The following CADM2 variants were observed in gnomAD, a reference collection of about 807,000 sequenced individuals.
The protein encoded by CADM2 is immunoglobulin superfamily member 4D.
In CADM2, 12 loss-of-function variants were observed where a neutral mutation model predicts 49.8. That is an observed-to-expected ratio of 0.24 (90% CI 0.15 to 0.39). CADM2 has a LOEUF of 0.39. Among genes scored for constraint, CADM2 ranks in the 10% least tolerant of loss-of-function variants. The pLI, the probability that CADM2 is intolerant of heterozygous loss-of-function variation, is 1.00. For synonymous variants in CADM2, 214 were observed against 175.4 expected, an observed-to-expected ratio of 1.22 and a Z score of -1.74; for missense variants, 378 against 492.3, an observed-to-expected ratio of 0.77 and a Z score of 2.20.
At chr3:85,539,473 C>T (rs181419529) in intron 1 of CADM2, among the ~76,000 whole-genome samples, 119 of 152,152 alleles carry the variant, frequency 7.8e-4, no homozygotes, top group Admixed American at 1.4e-3. Context: ...AATTCCTTTG[C>T]AAACATATCC....
intron 3 of CADM2, among the ~76,000 whole-genome samples, chr3:85,855,449 A>C (rs929063785): frequency 6.6e-5 from 10 of 151,834 alleles, no homozygotes; most frequent in African/African-American, 2.2e-4. Context: ...GTGATATGTC[A>C]TATAGATTTT....
intron 1 of CADM2, among the ~76,000 whole-genome samples, chr3:85,303,692 T>C (rs72921331): frequency 0.094 from 14,356 of 151,948 alleles, 1,402 homozygotes; most frequent in African/African-American, 0.25. Context: ...CTATATAATG[T>C]CAAACCCAAT....
intron 5 of CADM2, among the ~76,000 whole-genome samples, chr3:85,910,254 T>C (rs1251362320): frequency 6.6e-6 from 1 of 152,114 alleles, no homozygotes; most frequent in Non-Finnish European, 1.5e-5. Flanking sequence ...ATTATAAAAA[T>C]TGTTTGTCAA....
chr3:85,770,620 G>T (rs186486658), intron 2 of CADM2, among the ~76,000 whole-genome samples: 3 of 152,090 alleles, frequency 2.0e-5, no homozygotes, highest in African/African-American at 7.2e-5. Context: ...ATATGATAGG[G>T]AGATTAAATA....
At chr3:85,968,672 G>T (rs1179857172) in intron 8 of CADM2, among the ~76,000 whole-genome samples, 1 of 151,552 alleles carries the variant, frequency 6.6e-6, no homozygotes, top group Non-Finnish European at 1.5e-5. Context: ...AGAATCTGTG[G>T]CACTCGGTCC....
At chr3:86,041,546 T>G (rs9813978) in intron 8 of CADM2, among the ~76,000 whole-genome samples, 5,438 of 152,156 alleles carry the variant, frequency 0.036, 317 homozygotes, top group African/African-American at 0.12. Flanking sequence ...CTTAAATATA[T>G]ATGCACCCAA....
intron 1 of CADM2, among the ~76,000 whole-genome samples, chr3:85,097,459 T>C (rs567735786): frequency 1.3e-5 from 2 of 152,322 alleles, no homozygotes; most frequent in Non-Finnish European, 2.9e-5. Flanking sequence ...GCAATAAACA[T>C]ATGTGGGCAT....
intron 2 of CADM2, among the ~76,000 whole-genome samples, chr3:85,732,641 A>C (rs1284937833): frequency 6.6e-6 from 1 of 152,208 alleles, no homozygotes; most frequent in Admixed American, 6.5e-5. Flanking sequence ...TAAAAAAGTA[A>C]GTAACAATGA....
At chr3:85,902,091 T>G (rs1314710324) in intron 5 of CADM2, among the ~76,000 whole-genome samples, 1 of 152,118 alleles carries the variant, frequency 6.6e-6, no homozygotes, top group Non-Finnish European at 1.5e-5. Context: ...GCTATAAAAA[T>G]TTAGGTGCCA....
intron 1 of CADM2, among the ~76,000 whole-genome samples, chr3:85,400,954 A>T (rs1340810499): frequency 6.6e-6 from 1 of 152,170 alleles, no homozygotes; most frequent in Admixed American, 6.5e-5. Context: ...GACACTAAAG[A>T]ATCCTGACCA....
chr3:85,560,560 A>G (rs111291442), intron 1 of CADM2, among the ~76,000 whole-genome samples: 6 of 152,348 alleles, frequency 3.9e-5, no homozygotes, highest in African/African-American at 1.4e-4. Flanking sequence ...GGAAGTTGGA[A>G]GGACTGAAAA....
At chr3:85,551,140 T>C (rs1310781286) in intron 1 of CADM2, among the ~76,000 whole-genome samples, 1 of 151,774 alleles carries the variant, frequency 6.6e-6, no homozygotes, top group East Asian at 2.0e-4. Context: ...TGCACCACCA[T>C]GCTCAGTTGA....
intron 2 of CADM2, among the ~76,000 whole-genome samples, chr3:85,757,965 G>A (rs1330752356): frequency 6.6e-6 from 1 of 152,138 alleles, no homozygotes; most frequent in Non-Finnish European, 1.5e-5. Flanking sequence ...TGCAGAGGAT[G>A]TAAAGTACCA....
rs143217263 is a variant in CADM2, at chr3:86,017,676, C to T, written c.971-47929C>T. ...CCCAGAAGCAGAGGCTGCAGTAAGC[C>T]GAGACTGTGCCACTGCACTCCAGCT... On this transcript the variant is annotated intron_variant, in intron 8 of 9. Transcript: ENST00000383699. Among the ~76,000 whole-genome samples the T allele has an allele frequency of 1.9e-3, 287 of 149,898 alleles. 2 individuals carry two copies. Among genetic ancestry groups the T allele is most frequent in the African/African-American group, 6.6e-3 (269 of 40,880 alleles).
chr3:85,580,934 T>A (rs2062776743), intron 1 of CADM2, among the ~76,000 whole-genome samples: 1 of 152,094 alleles, frequency 6.6e-6, no homozygotes, highest in Non-Finnish European at 1.5e-5. Flanking sequence ...ATATGTAGAT[T>A]CATTCCAGTA....
chr3:85,375,369 G>T (rs1439254978), intron 1 of CADM2, among the ~76,000 whole-genome samples: 1 of 152,158 alleles, frequency 6.6e-6, no homozygotes, highest in African/African-American at 2.4e-5. Context: ...ACACAGACAA[G>T]AATTGTAGAG....
chr3:85,533,546 C>A (rs752500779), intron 1 of CADM2, among the ~76,000 whole-genome samples: 3 of 152,054 alleles, frequency 2.0e-5, no homozygotes, highest in Non-Finnish European at 2.9e-5. Context: ...ATTCAAATGG[C>A]AAGTGTCATT....
At chr3:85,642,490 T>C (rs1322895076) in intron 1 of CADM2, among the ~76,000 whole-genome samples, 1 of 152,046 alleles carries the variant, frequency 6.6e-6, no homozygotes, top group African/African-American at 2.4e-5. Flanking sequence ...TTTTAAAAAA[T>C]AGTTTAAAAA....
At chr3:84,983,575 A>G (rs1481952601) in intron 1 of CADM2, among the ~76,000 whole-genome samples, 1 of 152,162 alleles carries the variant, frequency 6.6e-6, no homozygotes, top group African/African-American at 2.4e-5. Flanking sequence ...GTCAGAAATC[A>G]TTGTCTACCT....
Sources: gnomAD v4.1 joint callset for allele counts (sites outside exome capture counted in the v4.1 genomes callset) on GRCh38, gnomAD v4.1.1 for gene constraint, MANE v1.5 for transcripts, NCBI Gene and HGNC (gene_info 2026-07-23, HGNC 2026-07-21) for gene names.